The following TAFA1 variants were observed in gnomAD, a reference collection of about 807,000 sequenced individuals.
TAFA1 encodes the protein TAFA chemokine like family member 1.
TAFA1 carries 4 observed loss-of-function variants against 18.5 expected under a neutral mutation model. The observed-to-expected ratio is 0.22, with a 90% CI of 0.11 to 0.49. The LOEUF is 0.49. Ranked by LOEUF, TAFA1 falls within the 20% of genes least tolerant of loss-of-function variation. The probability of loss-of-function intolerance (pLI) is 0.98; values close to 1 mark genes in which losing one functional copy is unlikely to be tolerated. For synonymous variants in TAFA1, 56 were observed against 55.2 expected, an observed-to-expected ratio of 1.01 and a Z score of -0.06; for missense variants, 147 against 169.0, an observed-to-expected ratio of 0.87 and a Z score of 0.72.
chr3:68,222,684 T>C (rs1313051247), intron 2 of TAFA1, among the ~76,000 whole-genome samples: 4 of 152,044 alleles, frequency 2.6e-5, no homozygotes. Context: ...TTTTTATTAT[T>C]TTTATTTATT....
intron 2 of TAFA1, among the ~76,000 whole-genome samples, chr3:68,352,598 A>G (rs1559629797): frequency 6.6e-6 from 1 of 152,012 alleles, no homozygotes; most frequent in East Asian, 1.9e-4. Flanking sequence ...GGAGGACAGA[A>G]AGCATTCTTC....
intron 3 of TAFA1, among the ~76,000 whole-genome samples, chr3:68,511,463 A>G (rs537472123): frequency 2.0e-5 from 3 of 152,100 alleles, no homozygotes; most frequent in South Asian, 4.1e-4. Flanking sequence ...GAAGGTAACT[A>G]GTTTTCTTAT....
At chr3:68,045,270 C>T (rs1705244133) in intron 2 of TAFA1, among the ~76,000 whole-genome samples, 1 of 152,198 alleles carries the variant, frequency 6.6e-6, no homozygotes, top group Middle Eastern at 3.4e-3. Context: ...TTGAAACTGG[C>T]ACAATGTACC....
chr3:68,117,682 T>G (rs1446128930), intron 2 of TAFA1, among the ~76,000 whole-genome samples: 1 of 152,196 alleles, frequency 6.6e-6, no homozygotes, highest in East Asian at 1.9e-4. Context: ...TATTGCTTTA[T>G]AAATAGGGAA....
chr3:68,080,829 C>T (rs1207460959), intron 2 of TAFA1, among the ~76,000 whole-genome samples: 1 of 152,014 alleles, frequency 6.6e-6, no homozygotes, highest in Admixed American at 6.5e-5. Context: ...TTGTGGTGTT[C>T]TCTATATTTC....
chr3:68,351,474 C>T (rs1286830601), intron 2 of TAFA1, among the ~76,000 whole-genome samples: 2 of 151,956 alleles, frequency 1.3e-5, no homozygotes, highest in African/African-American at 4.8e-5. Flanking sequence ...TTAAAATGGA[C>T]ACCTGTTACA....
In TAFA1 at chr3:68,434,410, A is replaced by C. The variant is rs1381465018; in HGVS notation, c.259+16990A>C. Among the ~76,000 whole-genome samples, 4 of 152,212 alleles carry C rather than the reference A, an allele frequency of 2.6e-5. No homozygotes were observed. The South Asian group carries it at 6.2e-4, about 24-fold the overall frequency. On this transcript the variant is annotated intron_variant, in intron 3 of 4. Coordinates refer to ENST00000478136, the MANE Select transcript of TAFA1 (RefSeq NM_213609.4). ...ATTTTCTTGGCTGCTATTTACAAGA[A>C]ACTGAATATAAACAGATTCAACCAT...
At chr3:68,303,672 A>C (rs1559607936) in intron 2 of TAFA1, among the ~76,000 whole-genome samples, 1 of 151,978 alleles carries the variant, frequency 6.6e-6, no homozygotes, top group East Asian at 1.9e-4. Flanking sequence ...GATGGTCTTG[A>C]TCTCCTGACC....
At chr3:68,486,731 T>C (rs34442243) in intron 3 of TAFA1, among the ~76,000 whole-genome samples, 1 of 152,246 alleles carries the variant, frequency 6.6e-6, no homozygotes, top group South Asian at 2.1e-4. Flanking sequence ...TGCAGCATTA[T>C]TTATCATTAA....
At chr3:68,223,786 A>G (rs1442945451) in intron 2 of TAFA1, among the ~76,000 whole-genome samples, 5 of 152,128 alleles carry the variant, frequency 3.3e-5, no homozygotes, top group Admixed American at 6.6e-5. Flanking sequence ...AAAGTAATTT[A>G]TGGCACACCT....
intron 2 of TAFA1, among the ~76,000 whole-genome samples, chr3:68,141,119 A>G (rs890616370): frequency 3.3e-5 from 5 of 152,194 alleles, no homozygotes; most frequent in African/African-American, 1.2e-4. Context: ...TCTGGCATTA[A>G]TAACCTCAGC....
At chr3:68,336,740 A>T (rs1341529604) in intron 2 of TAFA1, among the ~76,000 whole-genome samples, 2 of 152,138 alleles carry the variant, frequency 1.3e-5, no homozygotes, top group Non-Finnish European at 2.9e-5. Flanking sequence ...TTATTTATTT[A>T]TTGAGATGGA....
chr3:68,186,284 A>T (rs770160511), intron 2 of TAFA1, among the ~76,000 whole-genome samples: 42 of 152,034 alleles, frequency 2.8e-4, no homozygotes, highest in Non-Finnish European at 5.9e-4. Context: ...GATAACTTCT[A>T]AACAGGTCCT....
chr3:68,326,664 A>G lies in TAFA1; in HGVS notation c.119-90616A>G, dbSNP rs979169077. 2.5e-4 allele frequency among the ~76,000 whole-genome samples: 38 copies of G among 152,226 alleles called. 1 individual carries two copies. The highest frequency in any genetic ancestry group is 7.3e-5 in the Non-Finnish European group (5 of 68,042). On this transcript the variant is annotated intron_variant, in intron 2 of 4. Transcript: ENST00000478136. Reference sequence around the variant, plus strand: ...CATACATTTTTCACCATAAAATAAAAAGAATTATCATGGCAGAAGGAAAGA... The same window carrying G: ...CATACATTTTTCACCATAAAATAAAGAGAATTATCATGGCAGAAGGAAAGA...
At chr3:68,047,557 TC>T (rs1235793228) in intron 2 of TAFA1, among the ~76,000 whole-genome samples, 4 of 152,124 alleles carry the variant, frequency 2.6e-5, no homozygotes, top group Non-Finnish European at 4.4e-5. Flanking sequence ...TTTCACTGGA[TC>T]CAGCTGTCAA....
intron 2 of TAFA1, among the ~76,000 whole-genome samples, chr3:68,226,296 C>G (rs2066799544): frequency 1.3e-5 from 2 of 152,168 alleles, no homozygotes; most frequent in Admixed American, 1.3e-4. Context: ...GCTTTCATGC[C>G]TATTAACAAA....
intron 2 of TAFA1, among the ~76,000 whole-genome samples, chr3:68,406,724 T>C (rs910496144): frequency 4.6e-5 from 7 of 152,190 alleles, no homozygotes; most frequent in Non-Finnish European, 1.0e-4. Context: ...AAGGCAGATC[T>C]AAGAGTAGCC....
At chr3:68,382,378 T>C (rs113371758) in intron 2 of TAFA1, among the ~76,000 whole-genome samples, 1 of 151,538 alleles carries the variant, frequency 6.6e-6, no homozygotes, top group Admixed American at 6.6e-5. Context: ...TGTACCTCTG[T>C]TTAAGTTGAT....
At chr3:68,094,985 G>C (rs907367934) in intron 2 of TAFA1, among the ~76,000 whole-genome samples, 1 of 152,152 alleles carries the variant, frequency 6.6e-6, no homozygotes, top group South Asian at 2.1e-4. Flanking sequence ...TAGTTCCAGA[G>C]AATTACTCCT....
Sources: gnomAD v4.1 joint callset for allele counts (sites outside exome capture counted in the v4.1 genomes callset) on GRCh38, gnomAD v4.1.1 for gene constraint, MANE v1.5 for transcripts, NCBI Gene and HGNC (gene_info 2026-07-23, HGNC 2026-07-21) for gene names.